The following DNAH11 variants were observed in gnomAD, a reference collection of about 807,000 sequenced individuals.
DNAH11 encodes the protein dynein axonemal heavy chain 11, also known as axonemal beta dynein heavy chain 11.
In DNAH11, 442 loss-of-function variants were observed where a neutral mutation model predicts 526.0. The observed-to-expected ratio is 0.84, with a 90% CI of 0.78 to 0.91. The LOEUF is 0.91. DNAH11 is among the 40% of genes least tolerant of loss of function. The probability of loss-of-function intolerance (pLI) is 0.00; values close to 1 mark genes in which losing one functional copy is unlikely to be tolerated. For missense variants in DNAH11, 6,989 were observed against 5,448.7 expected, an observed-to-expected ratio of 1.28 and a Z score of -8.90; for synonymous variants, 2,461 against 1,935.9, an observed-to-expected ratio of 1.27 and a Z score of -7.12.
At chr7:21,674,038 G>T (rs1045899211) in intron 30 of DNAH11, among the ~76,000 whole-genome samples, 17 of 151,068 alleles carry the variant, frequency 1.1e-4, no homozygotes, top group East Asian at 2.0e-4. Context: ...TTGTGTGTGT[G>T]TGTGTGTGTG....
At chr7:21,734,757 C>A (rs1389127004) in intron 45 of DNAH11, among the ~76,000 whole-genome samples, 1 of 152,040 alleles carries the variant, frequency 6.6e-6, no homozygotes, top group African/African-American at 2.4e-5. Context: ...ACTTGGGAGG[C>A]TGAGGTGGGA....
chr7:21,551,700 A>C (rs998188070), intron 2 of DNAH11, among the ~76,000 whole-genome samples: 1 of 152,146 alleles, frequency 6.6e-6, no homozygotes, highest in African/African-American at 2.4e-5. Context: ...CCTATCCACA[A>C]ATAGCCTTAT....
intron 25 of DNAH11, among the ~76,000 whole-genome samples, chr7:21,625,905 C>G (rs1212092978): frequency 6.6e-6 from 1 of 152,044 alleles, no homozygotes; most frequent in Non-Finnish European, 1.5e-5. Flanking sequence ...CTAAGATTAT[C>G]TGGCAGACTT....
At chr7:21,729,731 G>A (rs1334494019) in intron 45 of DNAH11, among the ~76,000 whole-genome samples, 8 of 100,836 alleles carry the variant, frequency 7.9e-5, no homozygotes, top group Non-Finnish European at 1.8e-4. Context: ...ACCATCTGAG[G>A]TCTCACCAGA....
intron 14 of DNAH11, among the ~76,000 whole-genome samples, chr7:21,597,759 A>G (rs1430728840): frequency 2.0e-5 from 3 of 152,240 alleles, no homozygotes; most frequent in African/African-American, 7.2e-5. Flanking sequence ...GGGTGAGGAC[A>G]CAGAGTCAAA....
chr7:21,619,000 T>G (rs72657313), intron 23 of DNAH11, 100 bp from the exon 24 acceptor site: 1 of 1,446,320 alleles, frequency 6.9e-7, no homozygotes, highest in Non-Finnish European at 9.6e-7. Context: ...AGCACCTGAC[T>G]TGAGTATATT....
At chr7:21,804,854 A>G (rs114279995) in intron 62 of DNAH11, among the ~76,000 whole-genome samples, 2,116 of 152,220 alleles carry the variant, frequency 0.014, 39 homozygotes, top group African/African-American at 0.043. Flanking sequence ...GAACTCCCCA[A>G]TAGCTAATTA....
chr7:21,570,300 G>A lies in DNAH11; in HGVS notation c.1425+1G>A, dbSNP rs1215951987. 1 of 1,584,950 alleles carries A rather than the reference G, an allele frequency of 6.3e-7. No homozygotes were observed. The highest frequency in any genetic ancestry group is 1.4e-5 in the African/African-American group (1 of 73,060). ...TCTTGATCGTTTAATAAAAATAGAG[G>A]TATTCATTTTTTGATTTTATTTATT... On this transcript the variant is annotated splice_donor_variant, in intron 7 of 81. Transcript: ENST00000409508. LOFTEE classifies it high-confidence loss of function.
At chr7:21,702,608 T>C in intron 36 of DNAH11, 102 bp from the exon 37 acceptor site, 1 of 878,202 alleles carries the variant, frequency 1.1e-6, no homozygotes, top group Non-Finnish European at 1.8e-6. Context: ...AAAGTGTGTA[T>C]TTATCTGAAC....
chr7:21,557,556 A>T (rs1276805402), intron 2 of DNAH11, among the ~76,000 whole-genome samples: 1 of 152,138 alleles, frequency 6.6e-6, no homozygotes, highest in Non-Finnish European at 1.5e-5. Context: ...AATCCCATTC[A>T]TGAGGACTCA....
intron 25 of DNAH11, among the ~76,000 whole-genome samples, chr7:21,630,360 T>TA (rs1583545624): frequency 6.6e-6 from 1 of 152,370 alleles, no homozygotes; most frequent in African/African-American, 2.4e-5. Context: ...ACACCATAGT[T>TA]ACAGTACTAG....
At chr7:21,764,504 TTGAC>T (rs1787084064) in intron 54 of DNAH11, among the ~76,000 whole-genome samples, 1 of 152,052 alleles carries the variant, frequency 6.6e-6, no homozygotes, top group Non-Finnish European at 1.5e-5. Flanking sequence ...TACTCCCTGA[TTGAC>T]AGTTCTCTTC....
intron 18 of DNAH11, among the ~76,000 whole-genome samples, chr7:21,605,493 T>C (rs1460960858): frequency 6.6e-6 from 1 of 152,218 alleles, no homozygotes; most frequent in African/African-American, 2.4e-5. Context: ...ACCTGAACTA[T>C]TTATTGTGTC....
chr7:21,707,953 G>C, intron 40 of DNAH11, 118 bp downstream of exon 40: 1 of 1,051,404 alleles, frequency 9.5e-7, no homozygotes, highest in Non-Finnish European at 1.3e-6. Context: ...GGCATTATTG[G>C]AAATATAGCA....
intron 72 of DNAH11, among the ~76,000 whole-genome samples, chr7:21,868,569 A>G (rs564489864): frequency 1.4e-3 from 215 of 152,370 alleles, no homozygotes; most frequent in African/African-American, 5.1e-3. Context: ...CTACTCCTGC[A>G]AGAGTTTATA....
chr7:21,632,689 A>G (rs1408403508), intron 25 of DNAH11, among the ~76,000 whole-genome samples: 4 of 152,104 alleles, frequency 2.6e-5, no homozygotes, highest in Admixed American at 2.6e-4. Context: ...CCTGGATTTC[A>G]TTGTCTGTGT....
intron 42 of DNAH11, among the ~76,000 whole-genome samples, chr7:21,715,282 C>G (rs1784610652): frequency 6.6e-6 from 1 of 152,298 alleles, no homozygotes; most frequent in Non-Finnish European, 1.5e-5. Context: ...TTTGGCTACT[C>G]TAGAAAGTTT....
At chr7:21,611,313 C>G (rs143554915) in intron 20 of DNAH11, among the ~76,000 whole-genome samples, 6 of 152,202 alleles carry the variant, frequency 3.9e-5, no homozygotes, top group African/African-American at 1.4e-4. Context: ...ACTTTGGCCC[C>G]GGACTGAGGA....
chr7:21,606,363 C>A, intron 18 of DNAH11, 63 bp from the exon 19 acceptor site: 1 of 1,281,048 alleles, frequency 7.8e-7, no homozygotes, highest in Non-Finnish European at 1.1e-6. Flanking sequence ...GTCATTTAAT[C>A]CTATAGGGTT....
Sources: allele counts gnomAD v4.1 joint callset (sites outside exome capture counted in the v4.1 genomes callset), GRCh38; gene constraint gnomAD v4.1.1; transcripts MANE v1.5; gene names NCBI Gene and HGNC (gene_info 2026-07-23, HGNC 2026-07-21).